GPSM1: variants seen among roughly 807,000 people sequenced by gnomAD.
GPSM1 encodes G protein signaling modulator 1.
Under a neutral mutation model 70.5 loss-of-function variants are expected in GPSM1, and 48 were observed. The observed-to-expected ratio is 0.68, with a 90% confidence interval of 0.54 to 0.87. The LOEUF is 0.87. GPSM1 is among the 40% of genes least tolerant of loss of function. The probability of loss-of-function intolerance (pLI) is 0.00; values close to 1 mark genes in which losing one functional copy is unlikely to be tolerated. For missense variants in GPSM1, 981 were observed against 972.6 expected, an observed-to-expected ratio of 1.01 and a Z score of -0.11; for synonymous variants, 416 against 430.1, an observed-to-expected ratio of 0.97 and a Z score of 0.41.
chr9:136,357,074 C>T (rs1832851473), intron 13 of GPSM1, among the ~76,000 whole-genome samples: 1 of 152,196 alleles, frequency 6.6e-6, no homozygotes, highest in African/African-American at 2.4e-5. Context: ...GGGCTCCAGC[C>T]TGGCAGCCAC....
chr9:136,330,432 C>T (rs1229069933), intron 1 of GPSM1, among the ~76,000 whole-genome samples: 2 of 151,962 alleles, frequency 1.3e-5, no homozygotes, highest in Admixed American at 6.5e-5. Flanking sequence ...CGCTGGGCAG[C>T]GACGGGCCCT....
Position 136,343,293 on chromosome 9 carries a change from G to A in GPSM1, c.1207+2300G>A, listed in dbSNP as rs939353623. ...CCCCAGCAAGGGTGCCAGGCAGGAC[G>A]GAGGCTCTGCTGCCACTCTTGGTGC... On this transcript the variant is annotated intron_variant, in intron 9 of 13. Coordinates refer to ENST00000440944, the MANE Select transcript of GPSM1 (RefSeq NM_001145638.3). This position sits in a 1 kb window ranked among gnomAD's most constrained non-coding sequence, Gnocchi z 6.0. Among the ~76,000 whole-genome samples, 3 of 151,960 alleles carry A rather than the reference G, an allele frequency of 2.0e-5. No homozygotes were observed. Among genetic ancestry groups the A allele is most frequent in the African/African-American group, 2.4e-5 (1 of 41,368 alleles).
chr9:136,342,296 C>G lies in GPSM1; in HGVS notation c.1207+1303C>G, dbSNP rs1425544240. On this transcript the variant is annotated intron_variant, in intron 9 of 13. Transcript: ENST00000440944. The surrounding 1 kb of genome is among the most constrained non-coding windows in gnomAD (Gnocchi z 5.5). The stretch of plus-strand genomic sequence containing the variant: ...CTGGGACCCCAGCAGCAACTGGCAG[C>G]AGGGCTGGGAGCAGCTCTGGAAAGG... Among the ~76,000 whole-genome samples, 5 of 152,170 alleles carry G rather than the reference C, an allele frequency of 3.3e-5. No individual in the cohort carries two copies. Among genetic ancestry groups the G allele is most frequent in the Non-Finnish European group, 5.9e-5 (4 of 68,028 alleles).
intron 11 of GPSM1, among the ~76,000 whole-genome samples, chr9:136,350,664 G>A (rs1441380700): frequency 6.6e-6 from 1 of 152,156 alleles, no homozygotes; most frequent in Non-Finnish European, 1.5e-5. Flanking sequence ...GGGGCTGGGA[G>A]GCCCCACCCT....
Position 136,357,901 on chromosome 9 carries a change from CA to C in GPSM1, c.1822-112del, listed in dbSNP as rs370440675. On this transcript the variant is annotated intron_variant, in intron 13 of 13. Coordinates refer to ENST00000440944, the MANE Select transcript of GPSM1 (RefSeq NM_001145638.3). ...CCCCAGAACCAATTTCCTGGGTGGA[CA>C]GGGGGAAGCCCGTGAACAGTGCACG... 2.8e-4 allele frequency: 212 copies of C among 764,446 alleles called. 3 individuals are homozygous for C. In the East Asian group the frequency reaches 3.4e-3, roughly 12 times the overall value. 47.4% of individuals were successfully genotyped at this position (764,446 alleles called of 1,614,324 possible). A position where few individuals can be genotyped will look rare whatever the true frequency, so the allele number is the denominator to read the frequency against.
chr9:136,356,478 A>G lies in GPSM1; in HGVS notation c.1749A>G (p.Ala583=). The change falls in exon 13 of 14, where the codon GCA becomes GCG. Residue 583 remains alanine (A), a synonymous_variant. Transcript: ENST00000440944. ...GGCTGCGAATCACCCACAGCAATGC[A>G]GGGCACCTCCGAGGCCACGGCGAGC... ...LPGLRITHSN[A]GHLRGHGEPQ... is the part of the protein sequence containing the mutation. The G allele has an allele frequency of 1.2e-6, 2 of 1,611,790 alleles. No homozygotes were observed. The highest frequency in any genetic ancestry group is 1.7e-6 in the Non-Finnish European group (2 of 1,179,326).
At chr9:136,350,184 G>A (rs555511076) in intron 11 of GPSM1, among the ~76,000 whole-genome samples, 2 of 152,364 alleles carry the variant, frequency 1.3e-5, no homozygotes, top group South Asian at 2.1e-4. Flanking sequence ...AGTCACAGGA[G>A]CGTGTCCCTG....
In GPSM1 at chr9:136,343,772, T is replaced by TG. The variant is rs1832450773; in HGVS notation, c.1207+2780dup. On this transcript the variant is annotated intron_variant, in intron 9 of 13. Transcript: ENST00000440944. The surrounding 1 kb of genome is among the most constrained non-coding windows in gnomAD (Gnocchi z 6.0). ...CGAGCCTGAGGGCCCGTAAGCCTGT[T>TG]GCGTTCGGGCCCTGGGTGGACGAGG... 6.6e-6 allele frequency among the ~76,000 whole-genome samples: 1 copy of TG among 152,192 alleles called. No homozygotes were observed.
intron 9 of GPSM1, 59 bp from the exon 10 acceptor site, chr9:136,348,638 G>T: frequency 1.5e-6 from 2 of 1,332,354 alleles, no homozygotes; most frequent in Non-Finnish European, 2.1e-6. Context: ...CTCTGGCCTG[G>T]CCCACCCAAT....
chr9:136,341,302 G>C lies in GPSM1; in HGVS notation c.1207+309G>C. 1.4e-6 allele frequency: 2 copies of C among 1,453,130 alleles called. No individual in the cohort carries two copies. The highest frequency in any genetic ancestry group is 2.9e-5 in the African/African-American group (2 of 70,124). The allele number at this position is 1,453,130 out of a possible 1,614,324, so 90.0% of individuals were successfully genotyped here. A position where few individuals can be genotyped will look rare whatever the true frequency, so the allele number is the denominator to read the frequency against. Reference sequence around the variant, plus strand: ...CTCCCCCTGGAGCCCTCGGTGCAGGGAGGGCTTCTGTCCTCAGACCCAAGT... The same window carrying C: ...CTCCCCCTGGAGCCCTCGGTGCAGGCAGGGCTTCTGTCCTCAGACCCAAGT... On this transcript the variant is annotated intron_variant, in intron 9 of 13. Coordinates refer to ENST00000440944, the MANE Select transcript of GPSM1 (RefSeq NM_001145638.3). This position sits in a 1 kb window ranked among gnomAD's most constrained non-coding sequence, Gnocchi z 6.7.
chr9:136,357,111 G>A (rs1378787818), intron 13 of GPSM1, among the ~76,000 whole-genome samples: 3 of 152,208 alleles, frequency 2.0e-5, no homozygotes, highest in South Asian at 4.1e-4. Context: ...TCATCTGTGT[G>A]GGGGTGAGCC....
At chr9:136,336,279 C>T (rs1043247360) in intron 3 of GPSM1, among the ~76,000 whole-genome samples, 178 bp downstream of exon 3, 1 of 152,044 alleles carries the variant, frequency 6.6e-6, no homozygotes, top group African/African-American at 2.4e-5. Context: ...CAAAACAGGC[C>T]CCCCCAGCCC....
intron 13 of GPSM1, 91 bp downstream of exon 13, chr9:136,356,641 G>GC: frequency 1.1e-6 from 1 of 907,816 alleles, no homozygotes; most frequent in Admixed American, 2.5e-5. Flanking sequence ...TGAGGTGGGC[G>GC]CTGGTTCTGC....
chr9:136,355,950 C>T lies in GPSM1; in HGVS notation c.1612+104C>T, dbSNP rs566194035. The T allele has an allele frequency of 5.5e-5, 52 of 951,002 alleles. No individual in the cohort carries two copies. In the African/African-American group the frequency reaches 7.2e-4, roughly 13 times the overall value. The allele number at this position is 951,002 out of a possible 1,614,324, so 58.9% of individuals were successfully genotyped here. On this transcript the variant is annotated intron_variant, in intron 12 of 13. Coordinates refer to ENST00000440944, the MANE Select transcript of GPSM1 (RefSeq NM_001145638.3). The stretch of plus-strand genomic sequence containing the variant: ...TGAGGAGTTTTCGGGGGCAGACCAG[C>T]AGGCCAGCTGCAGAGCACCCTGTCA...
chr9:136,358,304 T>C lies in GPSM1; in HGVS notation c.*84T>C, dbSNP rs1425554934. The C allele has an allele frequency of 6.4e-6, 8 of 1,257,990 alleles. No homozygotes were observed. In the African/African-American group the frequency reaches 1.0e-4, roughly 16 times the overall value. The allele number at this position is 1,257,990 out of a possible 1,614,324, so 77.9% of individuals were successfully genotyped here. A position where few individuals can be genotyped will look rare whatever the true frequency, so the allele number is the denominator to read the frequency against. ...TCACAGCCACGTCCTCCCGAGGCCA[T>C]TGCCGAGGACAGGCACTGGGCATGC... On this transcript the variant is annotated 3_prime_UTR_variant, in exon 14 of 14. Transcript: ENST00000440944.
In GPSM1 at chr9:136,338,649, T is replaced by A. The variant is rs1350350846; in HGVS notation, c.913T>A (p.Tyr305Asn). The A allele has an allele frequency of 1.3e-6, 2 of 1,597,718 alleles. No homozygotes were observed. Among genetic ancestry groups the A allele is most frequent in the African/African-American group, 2.7e-5 (2 of 74,792 alleles). The stretch of plus-strand genomic sequence containing the variant: ...CAACACCTACACGCTGCTGCAGGAC[T>A]ACGAGCGCGCGGCCGAGTACCACCT... ...LGNTYTLLQD[Y>N]ERAAEYHLRH... Residue 305 changes from tyrosine (Y) to asparagine (N), a missense_variant, in exon 7 of 14, where the codon TAC (tyrosine) becomes AAC (asparagine). Coordinates refer to ENST00000440944, the MANE Select transcript of GPSM1 (RefSeq NM_001145638.3).
At chr9:136,352,977 G>A (rs1832712702) in intron 11 of GPSM1, 2 of 475,602 alleles carry the variant, frequency 4.2e-6, no homozygotes, top group Non-Finnish European at 5.5e-6. Flanking sequence ...GCGGGCGCTA[G>A]GAGGGCCGAG....
chr9:136,332,352 C>G (rs74715865), intron 1 of GPSM1, among the ~76,000 whole-genome samples: 1,878 of 152,342 alleles, frequency 0.012, 28 homozygotes, highest in Middle Eastern at 0.034. Context: ...CCATCCCCGA[C>G]TTTTAGGCCC....
chr9:136,337,728 G>T, intron 5 of GPSM1, 118 bp from the exon 6 acceptor site: 1 of 998,012 alleles, frequency 1.0e-6, no homozygotes, highest in Non-Finnish European at 1.5e-6. Flanking sequence ...GCTGCTAGCT[G>T]CTCACCCGGA....
Sources: gnomAD v4.1 joint callset for allele counts (sites outside exome capture counted in the v4.1 genomes callset) on GRCh38, gnomAD v4.1.1 for gene constraint, Gnocchi (gnomAD v3.1) non-coding constraint, MANE v1.5 for transcripts, NCBI Gene and HGNC (gene_info 2026-07-23, HGNC 2026-07-21) for gene names.